Variants in ADCY10 observed in about 807,000 individuals in gnomAD.
ADCY10 encodes the protein adenylate cyclase 10, also known as adenylate cyclase type 10.
A neutral mutation model predicts 183.3 loss-of-function variants in ADCY10; 156 were observed. That is an observed-to-expected ratio of 0.85 (90% confidence interval 0.75 to 0.97). The LOEUF (loss-of-function observed/expected upper bound fraction) is 0.97, where lower values mean the gene tolerates loss of function less well. ADCY10 is among the 50% of genes least tolerant of loss of function. The pLI is 0.00. For synonymous variants in ADCY10, 645 were observed against 670.0 expected (o/e 0.96, Z 0.58); for missense variants, 1,745 against 1,934.3 (o/e 0.90, Z 1.84).
At chr1:167,829,131 C>T in intron 26 of ADCY10, 136 bp downstream of exon 26, 1 of 982,844 alleles carries the variant, frequency 1.0e-6, no homozygotes, top group Non-Finnish European at 1.6e-6. Flanking sequence ...GAACTGCTGG[C>T]CTTGTCAAAA....
At chr1:167,837,130 G>C in intron 22 of ADCY10, 119 bp downstream of exon 22, 1 of 873,012 alleles carries the variant, frequency 1.1e-6, no homozygotes, top group Non-Finnish European at 1.9e-6. Flanking sequence ...ACCCCCCAAA[G>C]TTTCCCACTT....
At chr1:167,840,739 G>A (rs555077559) in intron 21 of ADCY10, among the ~76,000 whole-genome samples, 22 of 134,666 alleles carry the variant, frequency 1.6e-4, no homozygotes, top group African/African-American at 7.4e-4. Flanking sequence ...AGGAGAATCT[G>A]TAAAAATCAA....
Position 167,883,431 on chromosome 1 carries a change from A to T in ADCY10, c.1020+6T>A. 1.2e-6 allele frequency: 2 copies of T among 1,614,150 alleles called. No homozygotes were observed. ...GGTAGGTTCCCATCCCATAGTTCAC[A>T]CTTACCTTGTCAAACATGAAGACTT... On this transcript the variant is annotated splice_donor_region_variant and intron_variant, in intron 9 of 32. Coordinates refer to ENST00000367851, the MANE Select transcript of ADCY10 (RefSeq NM_018417.6).
chr1:167,814,859 C>T (rs557136663), intron 31 of ADCY10, among the ~76,000 whole-genome samples: 1 of 152,254 alleles, frequency 6.6e-6, no homozygotes, highest in African/African-American at 2.4e-5. Context: ...CACACGTGGG[C>T]TCATGCCTGT....
At chr1:167,812,189 AGTCATTGTTGCACCTCTCCCC>A (rs111420383) in intron 31 of ADCY10, among the ~76,000 whole-genome samples, 75,898 of 151,920 alleles carry the variant, frequency 0.5, 21,200 homozygotes, top group African/African-American at 0.77. Context: ...AGAGGTAGGC[AGTCATTGTTGCACCTCTCCCC>A]GTCATTGCAA....
chr1:167,904,102 T>C, intron 2 of ADCY10, 111 bp from the exon 3 acceptor site: 1 of 665,636 alleles, frequency 1.5e-6, no homozygotes, highest in Non-Finnish European at 2.6e-6. Flanking sequence ...TTTTTTTTTT[T>C]TTTGAGACAG....
chr1:167,823,073 G>A lies in ADCY10; in HGVS notation c.4103C>T (p.Thr1368Ile), dbSNP rs1663015927. ...VLGRLWELSV[T>I]QEHIFSKAFF... The stretch of plus-strand genomic sequence containing the variant: ...TGCCTTGCTGAAGATGTGTTCCTGT[G>A]TTACAGAAAGCTCCCACAGCCGCCC... Residue 1368 changes from threonine to isoleucine, a missense_variant, in exon 29 of 33, where the codon ACA (threonine) becomes ATA (isoleucine). Transcript: ENST00000367851. The A allele has an allele frequency of 1.2e-6, 2 of 1,614,144 alleles. No homozygotes were observed. Among genetic ancestry groups the A allele is most frequent in the African/African-American group, 2.7e-5 (2 of 75,030 alleles).
At chr1:167,813,995 G>A (rs1437016566) in intron 31 of ADCY10, among the ~76,000 whole-genome samples, 1 of 152,000 alleles carries the variant, frequency 6.6e-6, no homozygotes, top group Non-Finnish European at 1.5e-5. Context: ...AAAAGAAAAT[G>A]GGGAAAGAAC....
chr1:167,856,196 T>G lies in ADCY10; in HGVS notation c.2140A>C (p.Asn714His). 6.2e-7 allele frequency: 1 copy of G among 1,613,878 alleles called. No homozygotes were observed. The highest frequency in any genetic ancestry group is 8.5e-7 in the Non-Finnish European group (1 of 1,179,836). Residue 714 changes from asparagine (N) to histidine (H), a missense_variant, in exon 17 of 33, where the codon AAT becomes CAT. Coordinates refer to ENST00000367851, the MANE Select transcript of ADCY10 (RefSeq NM_018417.6). The part of the protein sequence containing the change: ...DISNKICLDL[N>H]VSCISKELDS... The stretch of plus-strand genomic sequence containing the variant: ...AGTTCTTTGGAGATGCAGCTCACAT[T>G]GAGGTCAAGACAGATCTTGTTGGAG...
At chr1:167,900,156 G>C (rs1021123465) in intron 5 of ADCY10, among the ~76,000 whole-genome samples, 2 of 152,194 alleles carry the variant, frequency 1.3e-5, no homozygotes, top group African/African-American at 4.8e-5. Context: ...GACAGAAGAA[G>C]ATATTGTATA....
In ADCY10 at chr1:167,837,741, G is replaced by C. The variant is rs548346436; in HGVS notation, c.3008-423C>G. The stretch of plus-strand genomic sequence containing the variant: ...AATCCACAGAAATGCTGGGGTTTGT[G>C]ATAGCTAATAACATTATCCTAACTC... On this transcript the variant is annotated intron_variant, in intron 21 of 32. Transcript: ENST00000367851. Among the ~76,000 whole-genome samples, 41 of 152,276 alleles carry C rather than the reference G, an allele frequency of 2.7e-4. 1 individual carries two copies. The highest frequency in any genetic ancestry group is 5.4e-4 in the Non-Finnish European group (37 of 68,022).
At chr1:167,903,543 G>A (rs776642850) in intron 3 of ADCY10, among the ~76,000 whole-genome samples, 1 of 152,076 alleles carries the variant, frequency 6.6e-6, no homozygotes, top group African/African-American at 2.4e-5. Flanking sequence ...CAGCCTGGGC[G>A]ACAGAGCAAG....
chr1:167,855,261 G>A (rs1364427508), intron 17 of ADCY10, among the ~76,000 whole-genome samples: 7 of 152,094 alleles, frequency 4.6e-5, no homozygotes, highest in East Asian at 3.9e-4. Flanking sequence ...TGGAGGTTGC[G>A]GTGAGCCGAG....
intron 14 of ADCY10, among the ~76,000 whole-genome samples, chr1:167,868,459 A>C (rs915545548): frequency 6.6e-6 from 1 of 152,194 alleles, no homozygotes; most frequent in African/African-American, 2.4e-5. Context: ...TACCACAAAA[A>C]CAGTTACATG....
intron 6 of ADCY10, among the ~76,000 whole-genome samples, chr1:167,897,648 G>A (rs368329073): frequency 1 from 2,944 of 2,944 alleles, 1,472 homozygotes; most frequent in Non-Finnish European, 1. Context: ...CACGGTCACT[G>A]CAAGACAACG....
At chr1:167,867,286 G>A (rs763791968) in intron 14 of ADCY10, among the ~76,000 whole-genome samples, 1 of 152,136 alleles carries the variant, frequency 6.6e-6, no homozygotes, top group African/African-American at 2.4e-5. Flanking sequence ...AAAAAGCCCT[G>A]CTCCAGTCAC....
chr1:167,835,160 G>A (rs56708396), intron 23 of ADCY10, among the ~76,000 whole-genome samples: 12,611 of 152,174 alleles, frequency 0.083, 723 homozygotes, highest in African/African-American at 0.16. Context: ...ATGAAGCAAG[G>A]GCCCAGAAAG....
At chr1:167,903,752 G>C in intron 3 of ADCY10, 135 bp downstream of exon 3, 1 of 687,782 alleles carries the variant, frequency 1.5e-6, no homozygotes, top group South Asian at 1.6e-5. Context: ...TTTCAAAAAA[G>C]ACTGGTTTTA....
chr1:167,859,470 A>T (rs1478266088), intron 16 of ADCY10, among the ~76,000 whole-genome samples: 1 of 152,206 alleles, frequency 6.6e-6, no homozygotes, highest in Non-Finnish European at 1.5e-5. Flanking sequence ...AGCAAGTGAT[A>T]GGCCTGGGGG....
Sources: gnomAD v4.1 joint callset for allele counts (sites outside exome capture counted in the v4.1 genomes callset) on GRCh38, gnomAD v4.1.1 for gene constraint, MANE v1.5 for transcripts, NCBI Gene and HGNC (gene_info 2026-07-23, HGNC 2026-07-21) for gene names.